STXBP6: variants seen among roughly 807,000 people sequenced by gnomAD.
STXBP6 encodes syntaxin binding protein 6, also known as syntaxin-binding protein 6.
In STXBP6, 21 loss-of-function variants were observed where a neutral mutation model predicts 26.9. That is an observed-to-expected ratio of 0.78 (90% CI 0.55 to 1.12). The LOEUF is 1.12. Among genes scored for constraint, STXBP6 ranks in the 50% most tolerant of loss-of-function variants. The pLI is 0.00. For missense variants in STXBP6, 232 were observed against 257.9 expected (o/e 0.90, Z 0.69); for synonymous variants, 97 against 92.6 (o/e 1.05, Z -0.27).
At chr14:24,859,072 T>C (rs531505897) in intron 2 of STXBP6, among the ~76,000 whole-genome samples, 2 of 152,314 alleles carry the variant, frequency 1.3e-5, no homozygotes, top group African/African-American at 4.8e-5. Context: ...GAGATCACTG[T>C]ATATTGCGGG....
In STXBP6 at chr14:24,832,283, A is replaced by G. The variant is rs1041787456; in HGVS notation, c.452-13089T>C. Among the ~76,000 whole-genome samples the G allele has an allele frequency of 6.9e-5, 10 of 145,114 alleles. No individual in the cohort carries two copies. The Admixed American group carries it at 7.6e-4, about 11-fold the overall frequency. ...CATCAAGGGCAACAGAATTCAGCAG[A>G]CAGCTGAACTACAGCTTCTCTTTCT... On this transcript the variant is annotated intron_variant, in intron 4 of 5. Transcript: ENST00000323944.
At chr14:24,958,753 C>G (rs1368215111) in intron 2 of STXBP6, among the ~76,000 whole-genome samples, 1 of 151,954 alleles carries the variant, frequency 6.6e-6, no homozygotes, top group African/African-American at 2.4e-5. Context: ...CTGTAATACT[C>G]TCCATTAGAA....
In STXBP6 at chr14:24,994,181, G is replaced by C. The variant is rs192899095; in HGVS notation, c.-32-19331C>G. Among the ~76,000 whole-genome samples the C allele has an allele frequency of 2.6e-5, 4 of 152,296 alleles. No individual in the cohort carries two copies. The East Asian group carries it at 5.8e-4, about 22-fold the overall frequency. On this transcript the variant is annotated intron_variant, in intron 1 of 5. Transcript: ENST00000323944. Reference sequence around the variant, plus strand: ...GGTACCAGGAGTAGTTCTGAAGAAAGAGACTCTAAAAATGGGATTGTGGGA... The same window carrying C: ...GGTACCAGGAGTAGTTCTGAAGAAACAGACTCTAAAAATGGGATTGTGGGA...
rs1420759362 is a variant in STXBP6, at chr14:24,810,995, A to G, written c.*1714T>C. On this transcript the variant is annotated 3_prime_UTR_variant, in exon 6 of 6. Coordinates refer to ENST00000323944, the MANE Select transcript of STXBP6 (RefSeq NM_001394410.1). ...AATAGCTTCCAACGGTACTCACCAA[A>G]TGGCATGTTCCTCGCTTCTTTAAAT... is the stretch of plus-strand genomic sequence containing the variant. 1.3e-5 allele frequency: 2 copies of G among 152,042 alleles called. No homozygotes were observed. The highest frequency in any genetic ancestry group is 4.8e-5 in the African/African-American group (2 of 41,428). The allele number at this position is 152,042 out of a possible 1,614,324, so 9.4% of individuals were successfully genotyped here.
chr14:24,908,070 G>C (rs2071445288), intron 2 of STXBP6, among the ~76,000 whole-genome samples: 1 of 151,996 alleles, frequency 6.6e-6, no homozygotes, highest in South Asian at 2.1e-4. Context: ...AGATAACATG[G>C]CCTAACAGCA....
chr14:24,907,184 C>T (rs79404246), intron 2 of STXBP6, among the ~76,000 whole-genome samples: 5,296 of 152,000 alleles, frequency 0.035, 324 homozygotes, highest in African/African-American at 0.12. Context: ...GTTCTCAACA[C>T]GAATAATAAA....
intron 2 of STXBP6, among the ~76,000 whole-genome samples, chr14:24,911,976 T>A (rs1057050623): frequency 1.1e-4 from 16 of 152,202 alleles, no homozygotes; most frequent in African/African-American, 3.9e-4. Context: ...CCAAATATTG[T>A]AAGACAGCAA....
intron 2 of STXBP6, among the ~76,000 whole-genome samples, chr14:24,938,473 G>C (rs745357452): frequency 5.9e-5 from 9 of 151,794 alleles, no homozygotes; most frequent in Non-Finnish European, 1.3e-4. Context: ...CTGTATGGTA[G>C]ACACTGCCCC....
At chr14:24,969,089 T>C (rs998261660) in intron 2 of STXBP6, among the ~76,000 whole-genome samples, 2 of 152,152 alleles carry the variant, frequency 1.3e-5, no homozygotes, top group African/African-American at 4.8e-5. Flanking sequence ...ATACATGTCA[T>C]TACCTTCCAT....
chr14:25,016,327 A>T (rs1163246712), intron 1 of STXBP6, among the ~76,000 whole-genome samples: 2 of 151,532 alleles, frequency 1.3e-5, no homozygotes, highest in African/African-American at 4.9e-5. Flanking sequence ...TTTTTTCTTT[A>T]AAAAAAAATT....
chr14:24,824,274 G>A (rs1220769570), intron 4 of STXBP6, among the ~76,000 whole-genome samples: 4 of 152,166 alleles, frequency 2.6e-5, no homozygotes, highest in Non-Finnish European at 5.9e-5. Context: ...GTTAGACACT[G>A]TTCTGCTTCC....
At chr14:24,936,921 A>C (rs1487818982) in intron 2 of STXBP6, among the ~76,000 whole-genome samples, 1 of 152,252 alleles carries the variant, frequency 6.6e-6, no homozygotes, top group African/African-American at 2.4e-5. Context: ...TGGAAAAAGA[A>C]AATGTGGCAC....
At chr14:24,909,361 T>C (rs899423064) in intron 2 of STXBP6, among the ~76,000 whole-genome samples, 15 of 152,240 alleles carry the variant, frequency 9.9e-5, no homozygotes, top group African/African-American at 3.6e-4. Flanking sequence ...CACAACAACC[T>C]AGATATTTTC....
intron 1 of STXBP6, among the ~76,000 whole-genome samples, chr14:25,039,147 C>G (rs2075601667): frequency 6.6e-6 from 1 of 151,908 alleles, no homozygotes; most frequent in African/African-American, 2.4e-5. Flanking sequence ...AATTATTTTT[C>G]AATTAAAAAT....
intron 2 of STXBP6, among the ~76,000 whole-genome samples, chr14:24,961,635 G>A (rs2073544187): frequency 6.6e-6 from 1 of 151,948 alleles, no homozygotes; most frequent in Non-Finnish European, 1.5e-5. Context: ...AGATACCGGG[G>A]ACTCTAAAAG....
At chr14:24,851,974 ATG>A (rs1269157500) in intron 4 of STXBP6, among the ~76,000 whole-genome samples, 1 of 152,168 alleles carries the variant, frequency 6.6e-6, no homozygotes, top group African/African-American at 2.4e-5. Context: ...TGAGAGAGAT[ATG>A]GCTGTGATCT....
intron 5 of STXBP6, chr14:24,815,809 G>A (rs547900562): frequency 6.6e-6 from 1 of 152,262 alleles, no homozygotes; most frequent in Non-Finnish European, 1.5e-5. Context: ...TTCTGCGATT[G>A]TGGTGCACTT....
At chr14:24,907,688 T>C (rs1431834889) in intron 2 of STXBP6, among the ~76,000 whole-genome samples, 1 of 152,204 alleles carries the variant, frequency 6.6e-6, no homozygotes, top group Non-Finnish European at 1.5e-5. Context: ...TTATAACAAG[T>C]AGTTACACTG....
intron 1 of STXBP6, chr14:25,010,535 G>T (rs2075004973): frequency 1.3e-5 from 2 of 152,180 alleles, no homozygotes; most frequent in African/African-American, 4.8e-5. Context: ...CTTTAACGCA[G>T]CCTTTTAGTT....
Sources: allele counts gnomAD v4.1 joint callset (sites outside exome capture counted in the v4.1 genomes callset), GRCh38; gene constraint gnomAD v4.1.1; transcripts MANE v1.5; gene names NCBI Gene and HGNC (gene_info 2026-07-23, HGNC 2026-07-21).